ASTN1: variants seen among roughly 807,000 people sequenced by gnomAD.
The protein encoded by ASTN1 is astrotactin-1.
A neutral mutation model predicts 140.7 loss-of-function variants in ASTN1; 41 were observed. The observed-to-expected ratio is 0.29, with a 90% CI of 0.23 to 0.38. ASTN1 has a LOEUF of 0.38. Among genes scored for constraint, ASTN1 ranks in the 10% least tolerant of loss-of-function variants. ASTN1 has a pLI of 1.00. For missense variants in ASTN1, 1,479 were observed against 1,678.8 expected, an observed-to-expected ratio of 0.88 and a Z score of 2.08; for synonymous variants, 640 against 652.2, an observed-to-expected ratio of 0.98 and a Z score of 0.29.
chr1:177,086,295 T>A (rs1485150142), intron 1 of ASTN1, among the ~76,000 whole-genome samples: 1 of 146,466 alleles, frequency 6.8e-6, no homozygotes, highest in Middle Eastern at 3.3e-3. Context: ...AAAAAACTCC[T>A]TTTTTCACCT....
intron 16 of ASTN1, among the ~76,000 whole-genome samples, chr1:176,927,512 C>A (rs768871734): frequency 6.0e-4 from 91 of 152,314 alleles, no homozygotes; most frequent in South Asian, 6.2e-4. Context: ...TACAATTAAA[C>A]CCCTGAAAGT....
intron 1 of ASTN1, among the ~76,000 whole-genome samples, chr1:177,157,234 G>A (rs1248067671): frequency 1.3e-5 from 2 of 152,070 alleles, no homozygotes; most frequent in Non-Finnish European, 1.5e-5. Flanking sequence ...CTGGGTATGG[G>A]GCATATGGAA....
intron 20 of ASTN1, among the ~76,000 whole-genome samples, chr1:176,881,610 CT>C (rs139755421): frequency 0.16 from 24,976 of 152,168 alleles, 2,556 homozygotes; most frequent in Middle Eastern, 0.26. Context: ...CAACTGCCCC[CT>C]ATCAAAAGAG....
At chr1:176,992,807 A>G (rs1274511829) in intron 8 of ASTN1, among the ~76,000 whole-genome samples, 1 of 152,154 alleles carries the variant, frequency 6.6e-6, no homozygotes, top group East Asian at 1.9e-4. Context: ...TCTATCATTG[A>G]TTTAGTGTTT....
intron 15 of ASTN1, among the ~76,000 whole-genome samples, chr1:176,935,464 T>C (rs1043478092): frequency 1.3e-5 from 2 of 152,238 alleles, no homozygotes; most frequent in Admixed American, 6.5e-5. Flanking sequence ...TAATCACTTC[T>C]TGCCAAGAAC....
At chr1:176,949,711 A>C (rs969097130) in intron 11 of ASTN1, among the ~76,000 whole-genome samples, 2 of 152,212 alleles carry the variant, frequency 1.3e-5, no homozygotes, top group African/African-American at 4.8e-5. Context: ...GCATTTGCAA[A>C]GATTCCACTG....
chr1:177,116,147 C>A (rs1329304206), intron 1 of ASTN1, among the ~76,000 whole-genome samples: 3 of 152,110 alleles, frequency 2.0e-5, no homozygotes, highest in Non-Finnish European at 4.4e-5. Flanking sequence ...GACTCCATAG[C>A]CAACACCGAG....
chr1:176,864,728 G>C (rs947657181), intron 22 of ASTN1, among the ~76,000 whole-genome samples: 1 of 152,032 alleles, frequency 6.6e-6, no homozygotes, highest in Non-Finnish European at 1.5e-5. Context: ...TGAATGAATT[G>C]GATAAATGTT....
At chr1:177,063,993 T>G (rs1439882978) in intron 1 of ASTN1, among the ~76,000 whole-genome samples, 1 of 152,180 alleles carries the variant, frequency 6.6e-6, no homozygotes, top group Non-Finnish European at 1.5e-5. Flanking sequence ...CTAAAGCACT[T>G]GGCAAACCAG....
chr1:177,154,185 T>C (rs982807974), intron 1 of ASTN1, among the ~76,000 whole-genome samples: 2 of 152,190 alleles, frequency 1.3e-5, no homozygotes, highest in African/African-American at 4.8e-5. Flanking sequence ...ATCCTGGATG[T>C]CCATCACTGA....
At chr1:177,046,105 C>A (rs951472712) in intron 2 of ASTN1, among the ~76,000 whole-genome samples, 2 of 152,140 alleles carry the variant, frequency 1.3e-5, no homozygotes, top group Non-Finnish European at 2.9e-5. Flanking sequence ...TCAGGACCAA[C>A]ACTTTTCCAT....
intron 1 of ASTN1, among the ~76,000 whole-genome samples, chr1:177,106,958 C>A (rs1680573936): frequency 6.6e-6 from 1 of 152,156 alleles, no homozygotes; most frequent in Admixed American, 6.5e-5. Context: ...GAGCCAGTGG[C>A]AAAGCCAAGA....
At chr1:176,881,526 C>G (rs567910309) in intron 20 of ASTN1, among the ~76,000 whole-genome samples, 4 of 152,282 alleles carry the variant, frequency 2.6e-5, no homozygotes, top group South Asian at 4.1e-4. Context: ...GTTTGAGATG[C>G]CTTACAGCAG....
At chr1:177,101,544 G>A (rs1399536702) in intron 1 of ASTN1, among the ~76,000 whole-genome samples, 1 of 152,152 alleles carries the variant, frequency 6.6e-6, no homozygotes, top group Non-Finnish European at 1.5e-5. Context: ...TTTTCCTGGG[G>A]GTGAGGTGGC....
intron 16 of ASTN1, among the ~76,000 whole-genome samples, chr1:176,912,247 T>G (rs1412430037): frequency 2.0e-5 from 3 of 152,202 alleles, no homozygotes; most frequent in Non-Finnish European, 4.4e-5. Flanking sequence ...GAAATATTTT[T>G]GGCCATGCAG....
chr1:177,129,956 C>T (rs1681863546), intron 1 of ASTN1, among the ~76,000 whole-genome samples: 1 of 152,000 alleles, frequency 6.6e-6, no homozygotes, highest in Admixed American at 6.6e-5. Flanking sequence ...AACAGCGAGA[C>T]TCCATCTCAA....
At chr1:177,062,819 T>C (rs577673143) in intron 1 of ASTN1, among the ~76,000 whole-genome samples, 1 of 152,208 alleles carries the variant, frequency 6.6e-6, no homozygotes, top group Non-Finnish European at 1.5e-5. Flanking sequence ...CCATGTATTA[T>C]GCACAGGCAC....
At position 176,868,930 on chromosome 1, in the gene ASTN1, G is replaced by A. The variant is rs866926471; in HGVS notation, c.3561C>T (p.Thr1187=). The A allele has an allele frequency of 6.2e-7, 1 of 1,612,734 alleles. No individual in the cohort carries two copies. Among genetic ancestry groups the A allele is most frequent in the Non-Finnish European group, 8.5e-7 (1 of 1,179,070 alleles). Residue 1187 remains threonine (T), a synonymous_variant, in exon 22 of 23, where the codon ACC becomes ACT. Transcript: ENST00000361833. ...YNTLLDLGSP[T]LHRVLYHYNQ... ...TATAGTGGTAGAGGACCCGGTGTAA[G>A]GTGGGGGAACCCAGATCCAGGAGGG...
At chr1:176,950,813 A>C (rs757395094) in intron 11 of ASTN1, among the ~76,000 whole-genome samples, 1 of 151,848 alleles carries the variant, frequency 6.6e-6, no homozygotes, top group Non-Finnish European at 1.5e-5. Context: ...AAGTTAACAC[A>C]CTCCTCCAAA....
Sources: gnomAD v4.1 joint callset for allele counts (sites outside exome capture counted in the v4.1 genomes callset) on GRCh38, gnomAD v4.1.1 for gene constraint, MANE v1.5 for transcripts, NCBI Gene and HGNC (gene_info 2026-07-23, HGNC 2026-07-21) for gene names.